DEPTOR: variants seen among roughly 807,000 people sequenced by gnomAD.
DEPTOR encodes DEP domain containing MTOR interacting protein.
Under a neutral mutation model 41.6 loss-of-function variants are expected in DEPTOR, and 41 were observed. The ratio of observed to expected loss-of-function variants is 0.98; its 90% CI spans 0.77 to 1.28. DEPTOR has a LOEUF of 1.28. DEPTOR is among the 50% of genes most tolerant of loss of function. DEPTOR has a pLI of 0.00. For missense variants in DEPTOR, 514 were observed against 527.9 expected (o/e 0.97, Z 0.26); for synonymous variants, 195 against 192.3 (o/e 1.01, Z -0.12).
chr8:119,984,208 C>G (rs1169644130), intron 4 of DEPTOR, among the ~76,000 whole-genome samples: 2 of 152,178 alleles, frequency 1.3e-5, no homozygotes, highest in Admixed American at 1.3e-4. Context: ...TGGAAGCACA[C>G]ATGGCTAATA....
At chr8:119,972,108 GA>G (rs1295438510) in intron 4 of DEPTOR, among the ~76,000 whole-genome samples, 1 of 152,204 alleles carries the variant, frequency 6.6e-6, no homozygotes, top group East Asian at 1.9e-4. Flanking sequence ...ATTGTTGGGA[GA>G]ATTAAGTGAT....
At chr8:119,895,255 T>C (rs1032816037) in intron 1 of DEPTOR, among the ~76,000 whole-genome samples, 2 of 152,222 alleles carry the variant, frequency 1.3e-5, no homozygotes, top group African/African-American at 4.8e-5. Context: ...GCATTGAGCC[T>C]TTTAGTACCT....
chr8:119,962,126 G>A lies in DEPTOR; in HGVS notation c.426-3106G>A, dbSNP rs561074046. Among the ~76,000 whole-genome samples, 495 of 151,304 alleles carry A rather than the reference G, an allele frequency of 3.3e-3. 3 individuals are homozygous for A. Among genetic ancestry groups the A allele is most frequent in the African/African-American group, 0.012 (475 of 41,240 alleles). ...AAAAAAAGTAGCTGGACATGGTGGTGCATGCCTGTAGTTCCAGCTACTTGG... is the reference window on the plus strand; with the variant it reads ...AAAAAAAGTAGCTGGACATGGTGGTACATGCCTGTAGTTCCAGCTACTTGG... On this transcript the variant is annotated intron_variant, in intron 3 of 8. Coordinates refer to ENST00000286234, the MANE Select transcript of DEPTOR (RefSeq NM_022783.4).
intron 1 of DEPTOR, among the ~76,000 whole-genome samples, chr8:119,923,256 A>G (rs578177537): frequency 1.3e-5 from 2 of 151,720 alleles, no homozygotes; most frequent in African/African-American, 4.8e-5. Flanking sequence ...TTATTTATTT[A>G]TTTTTGAGAT....
At position 119,984,365 on chromosome 8, in the gene DEPTOR, C is replaced by T. The variant is rs1828803828; in HGVS notation, c.605-17160C>T. Among the ~76,000 whole-genome samples, 5 of 152,204 alleles carry T rather than the reference C, an allele frequency of 3.3e-5. No homozygotes were observed. In the South Asian group the frequency reaches 8.3e-4, roughly 25 times the overall value. On this transcript the variant is annotated intron_variant, in intron 4 of 8. Transcript: ENST00000286234. ...ATACCTGCCATGGTGGTTTGCTGCACCCATCAACCTGTCATCTACATTAGG... is the reference window on the plus strand; with the variant it reads ...ATACCTGCCATGGTGGTTTGCTGCATCCATCAACCTGTCATCTACATTAGG...
At chr8:120,047,363 T>G (rs936309260) in intron 8 of DEPTOR, among the ~76,000 whole-genome samples, 1 of 151,454 alleles carries the variant, frequency 6.6e-6, no homozygotes, top group Non-Finnish European at 1.5e-5. Flanking sequence ...AAATTTTATT[T>G]TATTTTTTAC....
At chr8:119,984,447 T>G (rs1206112612) in intron 4 of DEPTOR, among the ~76,000 whole-genome samples, 1 of 152,018 alleles carries the variant, frequency 6.6e-6, no homozygotes, top group Non-Finnish European at 1.5e-5. Context: ...GGCCCCAGTG[T>G]GTGATGTTCC....
intron 1 of DEPTOR, among the ~76,000 whole-genome samples, chr8:119,901,772 A>G (rs992133856): frequency 6.6e-6 from 1 of 152,126 alleles, no homozygotes; most frequent in Non-Finnish European, 1.5e-5. Flanking sequence ...TTCTGAAGCA[A>G]TGGACACAGG....
chr8:119,964,437 C>A (rs1200100911), intron 3 of DEPTOR, among the ~76,000 whole-genome samples: 2 of 149,264 alleles, frequency 1.3e-5, no homozygotes, highest in African/African-American at 2.5e-5. Context: ...ATCGCTTGAA[C>A]CCAGGAGGTG....
intron 3 of DEPTOR, 24 bp downstream of exon 3, chr8:119,929,962 CT>C: frequency 6.3e-7 from 1 of 1,597,816 alleles, no homozygotes; most frequent in Non-Finnish European, 8.6e-7. Context: ...GAAATCCCCC[CT>C]GTAATCTTGA....
chr8:119,959,344 G>A (rs1318467275), intron 3 of DEPTOR, among the ~76,000 whole-genome samples: 2 of 151,476 alleles, frequency 1.3e-5, no homozygotes, highest in Non-Finnish European at 2.9e-5. Flanking sequence ...TGTAAATTTA[G>A]TAGAGACAGG....
intron 1 of DEPTOR, among the ~76,000 whole-genome samples, chr8:119,888,855 C>T (rs1451004458): frequency 2.0e-5 from 1 of 50,212 alleles, no homozygotes; most frequent in African/African-American, 1.1e-4. Context: ...GACTCTGTCT[C>T]AGCAAAAAAA....
intron 1 of DEPTOR, among the ~76,000 whole-genome samples, chr8:119,901,703 GAT>G (rs1194533843): frequency 1.3e-5 from 2 of 149,376 alleles, no homozygotes; most frequent in Non-Finnish European, 3.0e-5. Context: ...AAGAACGAAA[GAT>G]GTGATAATTT....
rs1241439366 is a variant in DEPTOR at position 120,002,740 on chromosome 8, G to A, written c.791-237G>A. ...TTGCAGTGAGCCCAGGTTGTGTCAC[G>A]TACTCCAGCCTGTGCAACAGGGCAA... is the stretch of plus-strand genomic sequence containing the variant. On this transcript the variant is annotated intron_variant, in intron 5 of 8. Transcript: ENST00000286234. Among the ~76,000 whole-genome samples, 43 of 126,416 alleles carry A rather than the reference G, an allele frequency of 3.4e-4. 1 individual carries two copies. The highest frequency in any genetic ancestry group is 8.6e-4 in the African/African-American group (28 of 32,614). 82.9% of individuals were successfully genotyped at this position (126,416 alleles called of 152,430 possible).
intron 3 of DEPTOR, among the ~76,000 whole-genome samples, chr8:119,931,049 T>C (rs1828036906): frequency 6.6e-6 from 1 of 151,910 alleles, no homozygotes; most frequent in Non-Finnish European, 1.5e-5. Context: ...CCGTCTCCAC[T>C]AAAAATACAA....
chr8:119,919,983 A>T (rs1056082511), intron 1 of DEPTOR, among the ~76,000 whole-genome samples: 2 of 152,184 alleles, frequency 1.3e-5, no homozygotes, highest in Non-Finnish European at 2.9e-5. Flanking sequence ...TGGAAGAGGA[A>T]ATGGTCTGAT....
Position 120,026,442 on chromosome 8 carries a change from G to T in DEPTOR, c.1101+17309G>T, listed in dbSNP as rs144329704. On this transcript the variant is annotated intron_variant, in intron 8 of 8. Transcript: ENST00000286234. ...ACTGCAACCTCTACCTCCTGGGTTC[G>T]AGCGATTCTCCTGCCTCAGCCTCCC... is the stretch of plus-strand genomic sequence containing the variant. Among the ~76,000 whole-genome samples the T allele has an allele frequency of 1.0e-3, 157 of 150,396 alleles. 2 individuals carry two copies. Among genetic ancestry groups the T allele is most frequent in the African/African-American group, 3.4e-3 (140 of 40,936 alleles).
At position 120,001,354 on chromosome 8, in the gene DEPTOR, C is replaced by T. The variant is rs1471033368; in HGVS notation, c.605-171C>T. Reference sequence around the variant, plus strand: ...TAGCAAATTTTTAAAGTGCATGTCACGTGGAAAGAACTTGGAACCATGGGC... The same window carrying T: ...TAGCAAATTTTTAAAGTGCATGTCATGTGGAAAGAACTTGGAACCATGGGC... On this transcript the variant is annotated intron_variant, in intron 4 of 8. Coordinates refer to ENST00000286234, the MANE Select transcript of DEPTOR (RefSeq NM_022783.4). Among the ~76,000 whole-genome samples the T allele has an allele frequency of 4.6e-5, 7 of 152,190 alleles. No individual in the cohort carries two copies. The South Asian group carries it at 8.3e-4, about 18-fold the overall frequency.
intron 8 of DEPTOR, among the ~76,000 whole-genome samples, chr8:120,014,790 T>G (rs1308556907): frequency 6.6e-6 from 1 of 152,158 alleles, no homozygotes; most frequent in Non-Finnish European, 1.5e-5. Context: ...CCCAAAGTGC[T>G]GAGATTACAG....
Sources: allele counts gnomAD v4.1 joint callset (sites outside exome capture counted in the v4.1 genomes callset), GRCh38; gene constraint gnomAD v4.1.1; transcripts MANE v1.5; gene names NCBI Gene and HGNC (gene_info 2026-07-23, HGNC 2026-07-21).